The following ACP3 variants were observed in gnomAD, a reference collection of about 807,000 sequenced individuals.
The protein encoded by ACP3 is acid phosphatase 3.
Under a neutral mutation model 45.6 loss-of-function variants are expected in ACP3, and 38 were observed. That is an observed-to-expected ratio of 0.83 (90% CI 0.64 to 1.09). ACP3 has a LOEUF of 1.09. ACP3 is among the 50% of genes least tolerant of loss of function. ACP3 has a pLI of 0.00. For missense variants in ACP3, 466 were observed against 463.2 expected, an observed-to-expected ratio of 1.01 and a Z score of -0.05; for synonymous variants, 162 against 164.7, an observed-to-expected ratio of 0.98 and a Z score of 0.13.
intron 5 of ACP3, among the ~76,000 whole-genome samples, chr3:132,337,885 G>T (rs568684047): frequency 1.3e-5 from 2 of 152,008 alleles, no homozygotes; most frequent in Non-Finnish European, 2.9e-5. Context: ...AAGGGGCTGG[G>T]ATTATTGTCT....
chr3:132,339,236 T>TG (rs146954156), intron 5 of ACP3, among the ~76,000 whole-genome samples: 19,599 of 150,296 alleles, frequency 0.13, 1,313 homozygotes, highest in Non-Finnish European at 0.15. Context: ...ATTTTGTGTG[T>TG]GAAAAAAAAC....
rs777042059 is a variant in ACP3, at chr3:132,344,862, TAA to T, written c.649-64_649-63del. Reference sequence around the variant, plus strand: ...CTAGTTCTTGTGAGGTGAAAAAGGATAAGTCAACAAAGAGGACAGTCATATAA... The same window carrying T: ...CTAGTTCTTGTGAGGTGAAAAAGGATGTCAACAAAGAGGACAGTCATATAA... On this transcript the variant is annotated intron_variant, in intron 6 of 9. Coordinates refer to ENST00000336375, the MANE Select transcript of ACP3 (RefSeq NM_001099.5). 370 of 1,569,566 alleles carry T rather than the reference TAA, an allele frequency of 2.4e-4. 1 individual carries two copies. Among genetic ancestry groups the T allele is most frequent in the Middle Eastern group, 3.4e-4 (2 of 5,816 alleles).
At chr3:132,353,289 G>T (rs189137267) in intron 9 of ACP3, among the ~76,000 whole-genome samples, 4 of 152,254 alleles carry the variant, frequency 2.6e-5, no homozygotes, top group African/African-American at 9.6e-5. Context: ...CTCCCCAGAT[G>T]ACCACAGCTT....
chr3:132,332,329 T>C lies in ACP3; in HGVS notation c.441T>C (p.Pro147=). 2 of 1,614,140 alleles carry C rather than the reference T, an allele frequency of 1.2e-6. No individual in the cohort carries two copies. The highest frequency in any genetic ancestry group is 1.7e-6 in the Non-Finnish European group (2 of 1,180,000). ...AGCCCATCCCGGTGCACACAGTTCC[T>C]CTTTCTGAAGATCAGGTCAGTATAC... ...LWQPIPVHTV[P]LSEDQLLYLP... Residue 147 remains proline, a synonymous_variant, in exon 4 of 10, where the codon CCT becomes CCC. Coordinates refer to ENST00000336375, the MANE Select transcript of ACP3 (RefSeq NM_001099.5).
intron 9 of ACP3, among the ~76,000 whole-genome samples, chr3:132,355,385 G>C (rs969863546): frequency 2.0e-5 from 3 of 152,050 alleles, no homozygotes; most frequent in Non-Finnish European, 4.4e-5. Flanking sequence ...TAAGACAGAA[G>C]ATGCTGTTAC....
downstream of ACP3, among the ~76,000 whole-genome samples, chr3:132,359,378 G>A (rs192174097): frequency 6.6e-6 from 1 of 152,216 alleles, no homozygotes; most frequent in African/African-American, 2.4e-5. Context: ...CATGGTGGCG[G>A]GCACCTGTAG....
At chr3:132,332,614 G>C (rs1432366518) in intron 4 of ACP3, 16 of 200,088 alleles carry the variant, frequency 8.0e-5, no homozygotes, top group Non-Finnish European at 1.4e-4. Context: ...GTCATACACA[G>C]AGAGAGAGAG....
At chr3:132,367,975 C>T in exon 11 of ACP3, 1 of 638,338 alleles carries the variant, frequency 1.6e-6, no homozygotes, top group Non-Finnish European at 2.8e-6. Flanking sequence ...TCACAGTGAC[C>T]CACAGGCTGC....
Position 132,337,301 on chromosome 3 carries a change from TC to T in ACP3, c.457-154del, listed in dbSNP as rs1441842747. The T allele has an allele frequency of 7.9e-6, 4 of 507,690 alleles. No homozygotes were observed. The East Asian group carries it at 1.1e-4, about 14-fold the overall frequency. The allele number at this position is 507,690 out of a possible 1,614,324, so 31.4% of individuals were successfully genotyped here. A position where few individuals can be genotyped will look rare whatever the true frequency, so the allele number is the denominator to read the frequency against. ...AAGACCTATAGATCATTTGATTCTTTCTCCCCAATTTTGGAATTTCCACTCA... is the reference window on the plus strand; with the variant it reads ...AAGACCTATAGATCATTTGATTCTTTTCCCCAATTTTGGAATTTCCACTCA... On this transcript the variant is annotated intron_variant, in intron 4 of 9. Transcript: ENST00000336375.
intron 2 of ACP3, among the ~76,000 whole-genome samples, chr3:132,330,211 C>T (rs1184497862): frequency 6.6e-6 from 1 of 152,108 alleles, no homozygotes; most frequent in Non-Finnish European, 1.5e-5. Flanking sequence ...TGAGCCACCA[C>T]ACCCAGCCTT....
chr3:132,325,096 TAAG>T (rs1397716934), intron 1 of ACP3, among the ~76,000 whole-genome samples: 1 of 152,324 alleles, frequency 6.6e-6, no homozygotes, highest in East Asian at 1.9e-4. Flanking sequence ...GAGCAGCAGT[TAAG>T]AAGATTGCTC....
intron 1 of ACP3, 81 bp from the exon 2 acceptor site, chr3:132,328,185 GA>G (rs368525246): frequency 4.2e-3 from 3,816 of 911,404 alleles, no homozygotes; most frequent in East Asian, 5.4e-3. Context: ...CAATGAGTTA[GA>G]AAAAAAAAAA....
chr3:132,329,258 T>C (rs1484491236), intron 2 of ACP3, among the ~76,000 whole-genome samples: 1 of 152,172 alleles, frequency 6.6e-6, no homozygotes, highest in Non-Finnish European at 1.5e-5. Flanking sequence ...AACTAATGGG[T>C]CTTAATCCTG....
chr3:132,348,079 C>T (rs11705786), intron 7 of ACP3, among the ~76,000 whole-genome samples: 50,977 of 151,880 alleles, frequency 0.34, 9,043 homozygotes, highest in Middle Eastern at 0.5. Context: ...ATGCTACCAC[C>T]GCAGAGCTGA....
chr3:132,319,828 C>T (rs749257624), intron 1 of ACP3, among the ~76,000 whole-genome samples: 1 of 152,134 alleles, frequency 6.6e-6, no homozygotes, highest in Non-Finnish European at 1.5e-5. Context: ...TCTGAGATCC[C>T]CCTGTAAGGT....
intron 7 of ACP3, among the ~76,000 whole-genome samples, chr3:132,345,464 C>G (rs1435874983): frequency 1.3e-5 from 2 of 152,092 alleles, no homozygotes; most frequent in African/African-American, 4.8e-5. Context: ...TGTCTTGTGG[C>G]CTATATGATG....
In ACP3 at chr3:132,326,372, A is replaced by G. The variant is rs1437808184; in HGVS notation, c.121-1895A>G. Among the ~76,000 whole-genome samples the G allele has an allele frequency of 3.9e-5, 6 of 152,216 alleles. No homozygotes were observed. The South Asian group carries it at 6.2e-4, about 16-fold the overall frequency. On this transcript the variant is annotated intron_variant, in intron 1 of 9. Transcript: ENST00000336375. ...TATAAAAACTCTAAAATGTACTTCA[A>G]TTGTGGAAAGAGGCATCAATGATTA...
downstream of ACP3, among the ~76,000 whole-genome samples, chr3:132,361,923 T>C (rs1042990130): frequency 2.0e-5 from 3 of 152,180 alleles, no homozygotes; most frequent in African/African-American, 7.2e-5. Context: ...ACTTTCTTCC[T>C]CTGCCCTGGC....
At chr3:132,329,772 G>T (rs568303182) in intron 2 of ACP3, among the ~76,000 whole-genome samples, 1 of 152,228 alleles carries the variant, frequency 6.6e-6, no homozygotes, top group Admixed American at 6.5e-5. Context: ...TCAAAATGTA[G>T]ATTCTAATTC....
Sources: gnomAD v4.1 joint callset for allele counts (sites outside exome capture counted in the v4.1 genomes callset) on GRCh38, gnomAD v4.1.1 for gene constraint, MANE v1.5 for transcripts, NCBI Gene and HGNC (gene_info 2026-07-23, HGNC 2026-07-21) for gene names.